ENOX1: variants seen among roughly 807,000 people sequenced by gnomAD.
ENOX1 encodes the protein ecto-NOX disulfide-thiol exchanger 1, also known as candidate growth-related and time keeping constitutive hydroquinone (NADH) oxidase.
In ENOX1, 42 loss-of-function variants were observed where a neutral mutation model predicts 82.5. The ratio of observed to expected loss-of-function variants is 0.51; its 90% CI spans 0.40 to 0.66. ENOX1 has a LOEUF of 0.66. ENOX1 is among the 30% of genes least tolerant of loss of function. ENOX1 has a pLI of 0.00. For missense variants in ENOX1, 608 were observed against 811.6 expected (o/e 0.75, Z 3.05); for synonymous variants, 271 against 282.2 (o/e 0.96, Z 0.40).
At chr13:43,590,434 C>T (rs781033966) in intron 2 of ENOX1, among the ~76,000 whole-genome samples, 5 of 152,022 alleles carry the variant, frequency 3.3e-5, no homozygotes, top group Non-Finnish European at 7.4e-5. Context: ...AAGAGTTAAT[C>T]CACAAACATG....
rs368078337 is a variant in ENOX1, at chr13:43,406,617, C to T, written c.208+5299G>A. 5.3e-4 allele frequency among the ~76,000 whole-genome samples: 80 copies of T among 151,888 alleles called. 1 individual carries two copies. The highest frequency in any genetic ancestry group is 1.7e-3 in the African/African-American group (69 of 41,416). The stretch of plus-strand genomic sequence containing the variant: ...ACGCCATTCTCCTGCCTCAGCCTCC[C>T]GAGTAGCTGGGACTACAGGTGCCCG... On this transcript the variant is annotated intron_variant, in intron 5 of 16. Transcript: ENST00000690772.
chr13:43,530,106 G>C (rs2078147218), intron 2 of ENOX1, among the ~76,000 whole-genome samples: 1 of 152,216 alleles, frequency 6.6e-6, no homozygotes, highest in Non-Finnish European at 1.5e-5. Flanking sequence ...ACCTTGGAGA[G>C]AAGGGGAAGC....
chr13:43,450,323 A>G lies in ENOX1; in HGVS notation c.-75+33686T>C, dbSNP rs151072815. Among the ~76,000 whole-genome samples the G allele has an allele frequency of 9.7e-3, 1,471 of 152,322 alleles. 19 individuals are homozygous for G. The highest frequency in any genetic ancestry group is 0.034 in the African/African-American group (1,397 of 41,562). ...GGCAGCAGATGGCAGGAAGAGTTCA[A>G]CTAAGAAAGAAGTTTACAAAGGCAG... On this transcript the variant is annotated intron_variant, in intron 3 of 16. Transcript: ENST00000690772.
chr13:43,545,527 G>C lies in ENOX1; in HGVS notation c.-218-61375C>G, dbSNP rs571940384. 1.4e-4 allele frequency: 22 copies of C among 152,394 alleles called. No homozygotes were observed. The East Asian group carries it at 4.3e-3, about 29-fold the overall frequency. The allele number at this position is 152,394 out of a possible 1,614,324, so 9.4% of individuals were successfully genotyped here. A position where few individuals can be genotyped will look rare whatever the true frequency, so the allele number is the denominator to read the frequency against. On this transcript the variant is annotated intron_variant, in intron 2 of 16. Transcript: ENST00000690772. Reference sequence around the variant, plus strand: ...TGGGAATGGCCTCCATCAGAGGCCTGGTCTGTGGGCCCCAGTCACCGTGAG... The same window carrying C: ...TGGGAATGGCCTCCATCAGAGGCCTCGTCTGTGGGCCCCAGTCACCGTGAG...
intron 2 of ENOX1, among the ~76,000 whole-genome samples, chr13:43,586,027 G>A (rs887509250): frequency 6.6e-6 from 1 of 152,104 alleles, no homozygotes; most frequent in African/African-American, 2.4e-5. Context: ...ATTTCTTTAC[G>A]GTGAGAATGT....
At chr13:43,413,521 A>T (rs1313994152) in intron 3 of ENOX1, among the ~76,000 whole-genome samples, 4 of 152,076 alleles carry the variant, frequency 2.6e-5, no homozygotes, top group African/African-American at 7.2e-5. Flanking sequence ...AAATTACAAT[A>T]GTCAGGAAAG....
chr13:43,622,807 G>A (rs558648414), intron 2 of ENOX1, among the ~76,000 whole-genome samples: 4 of 152,132 alleles, frequency 2.6e-5, no homozygotes, highest in South Asian at 4.2e-4. Context: ...GGTGGGGTGG[G>A]GTCCTAGAAT....
intron 2 of ENOX1, among the ~76,000 whole-genome samples, chr13:43,631,077 G>A (rs963374488): frequency 4.6e-5 from 7 of 152,130 alleles, no homozygotes; most frequent in Admixed American, 3.9e-4. Flanking sequence ...TTTAATGACT[G>A]CAATAATAAT....
intron 2 of ENOX1, among the ~76,000 whole-genome samples, chr13:43,620,087 T>C (rs2082657713): frequency 6.6e-6 from 1 of 152,216 alleles, no homozygotes; most frequent in African/African-American, 2.4e-5. Context: ...TTCTGTGGTG[T>C]CAGTTGTAAT....
At chr13:43,612,511 A>ATT (rs140050174) in intron 2 of ENOX1, among the ~76,000 whole-genome samples, 1 of 151,750 alleles carries the variant, frequency 6.6e-6, no homozygotes, top group Non-Finnish European at 1.5e-5. Flanking sequence ...GAAAGGTCCG[A>ATT]TTTTTTTTGC....
chr13:43,694,031 C>A (rs949787943), intron 1 of ENOX1, among the ~76,000 whole-genome samples: 3 of 152,050 alleles, frequency 2.0e-5, no homozygotes, highest in African/African-American at 4.8e-5. Context: ...TTAATGTTTA[C>A]CTTAGAGCTG....
chr13:43,457,473 T>C (rs2057286214), intron 3 of ENOX1, among the ~76,000 whole-genome samples: 1 of 151,148 alleles, frequency 6.6e-6, no homozygotes, highest in Admixed American at 6.6e-5. Context: ...AATTTATCAA[T>C]AAGAAGGAAG....
At chr13:43,216,854 C>T (rs1334779382) in intron 16 of ENOX1, among the ~76,000 whole-genome samples, 1 of 152,160 alleles carries the variant, frequency 6.6e-6, no homozygotes, top group African/African-American at 2.4e-5. Context: ...AGGAGGCCAG[C>T]TGGGGTCAGA....
intron 1 of ENOX1, among the ~76,000 whole-genome samples, chr13:43,722,123 T>A (rs910331300): frequency 6.6e-6 from 1 of 152,224 alleles, no homozygotes; most frequent in Non-Finnish European, 1.5e-5. Flanking sequence ...GTCTTTGTGA[T>A]CCTCAGTGTT....
intron 3 of ENOX1, among the ~76,000 whole-genome samples, chr13:43,451,966 T>C (rs897649979): frequency 3.3e-5 from 5 of 152,118 alleles, no homozygotes; most frequent in African/African-American, 1.2e-4. Flanking sequence ...GACAAAACGT[T>C]TTCAAGTACG....
chr13:43,622,006 C>T (rs571276130), intron 2 of ENOX1, among the ~76,000 whole-genome samples: 17 of 152,240 alleles, frequency 1.1e-4, no homozygotes, highest in African/African-American at 3.6e-4. Context: ...ACCCTGTCTT[C>T]GAGCTGTGAG....
rs571786585 is a variant in ENOX1 at position 43,496,294 on chromosome 13, T to C, written c.-218-12142A>G. ...ATGTAAAGATCTAATTCAAAGTATA[T>C]ACTTTGAATCAATTTTTGTGTATGG... On this transcript the variant is annotated intron_variant, in intron 2 of 16. Coordinates refer to ENST00000690772, the MANE Select transcript of ENOX1 (RefSeq NM_001347969.2). Among the ~76,000 whole-genome samples, 5 of 152,124 alleles carry C rather than the reference T, an allele frequency of 3.3e-5. No homozygotes were observed. In the South Asian group the frequency reaches 1.0e-3, roughly 31 times the overall value.
chr13:43,227,654 G>A (rs989525356), intron 15 of ENOX1, among the ~76,000 whole-genome samples: 5 of 152,150 alleles, frequency 3.3e-5, no homozygotes, highest in African/African-American at 1.2e-4. Flanking sequence ...TCATAACTAA[G>A]GGGAAAATCA....
chr13:43,513,550 C>A (rs1198720465), intron 2 of ENOX1, among the ~76,000 whole-genome samples: 5 of 152,064 alleles, frequency 3.3e-5, no homozygotes, highest in African/African-American at 1.2e-4. Context: ...AACTATTATT[C>A]CATTATTCTT....
Sources: gnomAD v4.1 joint callset for allele counts (sites outside exome capture counted in the v4.1 genomes callset) on GRCh38, gnomAD v4.1.1 for gene constraint, MANE v1.5 for transcripts, NCBI Gene and HGNC (gene_info 2026-07-23, HGNC 2026-07-21) for gene names.